WFDC8: variants seen among roughly 807,000 people sequenced by gnomAD.
The protein encoded by WFDC8 is WAP four-disulfide core domain 8.
WFDC8 carries 24 observed loss-of-function variants against 27.0 expected under a neutral mutation model. The ratio of observed to expected loss-of-function variants is 0.89; its 90% CI spans 0.64 to 1.25. WFDC8 has a LOEUF of 1.25. Among genes scored for constraint, WFDC8 ranks in the 50% most tolerant of loss-of-function variants. WFDC8 has a pLI of 0.00. For missense variants in WFDC8, 287 were observed against 295.9 expected, an observed-to-expected ratio of 0.97 and a Z score of 0.22; for synonymous variants, 106 against 99.7, an observed-to-expected ratio of 1.06 and a Z score of -0.38.
At chr20:45,577,867 A>C (rs79909607) in intron 1 of WFDC8, among the ~76,000 whole-genome samples, 59,676 of 148,344 alleles carry the variant, frequency 0.4, 13,558 homozygotes, top group Non-Finnish European at 0.45. Flanking sequence ...ATTAGCCTGG[A>C]GTGGTGGTGC....
chr20:45,575,152 T>C (rs1315001167), intron 1 of WFDC8, among the ~76,000 whole-genome samples: 1 of 152,152 alleles, frequency 6.6e-6, no homozygotes, highest in Non-Finnish European at 1.5e-5. Flanking sequence ...ATCGACATAG[T>C]ACTGAAAGTC....
At chr20:45,566,653 A>C (rs1406093511) in intron 1 of WFDC8, among the ~76,000 whole-genome samples, 1 of 152,162 alleles carries the variant, frequency 6.6e-6, no homozygotes. Flanking sequence ...ACAGAGCGAG[A>C]CTCTGTCTCA....
At position 45,558,775 on chromosome 20, in the gene WFDC8, A is replaced by G. The variant is rs370779239; in HGVS notation, c.277+77T>C. 8 of 1,571,808 alleles carry G rather than the reference A, an allele frequency of 5.1e-6. No individual in the cohort carries two copies. In the East Asian group the frequency reaches 1.3e-4, roughly 26 times the overall value. Reference sequence around the variant, plus strand: ...ACAGGCCCTGGGTCCTTGTCCTGCCATCCAAGGGAATCCCTCAGCCAGTTT... The same window carrying G: ...ACAGGCCCTGGGTCCTTGTCCTGCCGTCCAAGGGAATCCCTCAGCCAGTTT... On this transcript the variant is annotated intron_variant, in intron 3 of 5. Transcript: ENST00000289953.
chr20:45,558,864 C>G lies in WFDC8; in HGVS notation c.265G>C (p.Asp89His), dbSNP rs949241106. The G allele has an allele frequency of 1.2e-6, 2 of 1,614,140 alleles. No individual in the cohort carries two copies. The highest frequency in any genetic ancestry group is 2.7e-5 in the African/African-American group (2 of 75,036). Residue 89 changes from aspartate (D) to histidine (H), a missense_variant, in exon 3 of 6, where the codon GAT (aspartate) becomes CAT (histidine). Coordinates refer to ENST00000289953, the MANE Select transcript of WFDC8 (RefSeq NM_130896.3). ...TGGACATCGCTACCTTGAAAGGGAT[C>G]CATGCACTTCTTCTGACAGGCAAAA... ...CFFACQKKCM[D>H]PFQEPCMLPV...
At chr20:45,561,746 G>A (rs779558156) in intron 2 of WFDC8, among the ~76,000 whole-genome samples, 2,410 of 61,752 alleles carry the variant, frequency 0.039, 90 homozygotes, top group Admixed American at 0.17. Context: ...TTGCGTGTGT[G>A]TGTGTGTGTG....
chr20:45,562,188 A>G lies in WFDC8; in HGVS notation c.58T>C (p.Trp20Arg). Residue 20 changes from tryptophan to arginine, a missense_variant, in exon 2 of 6, where the codon TGG (tryptophan) becomes CGG (arginine). Physicochemically the swap from Trp to Arg is moderately radical, Grantham distance 101. Coordinates refer to ENST00000289953, the MANE Select transcript of WFDC8 (RefSeq NM_130896.3). ...AGCAGCAGGAAAGCTACATTCCTCC[A>G]GGAGAAGGTGGGGCTATGGAGAGGA... is the stretch of plus-strand genomic sequence containing the variant. ...HFPLHSPTFS[W>R]RNVAFLLLLS... 6.2e-7 allele frequency: 1 copy of G among 1,614,184 alleles called. No individual in the cohort carries two copies. The highest frequency in any genetic ancestry group is 8.5e-7 in the Non-Finnish European group (1 of 1,180,024).
At chr20:45,562,735 C>T (rs1376401946) in intron 1 of WFDC8, among the ~76,000 whole-genome samples, 1 of 152,160 alleles carries the variant, frequency 6.6e-6, no homozygotes, top group Non-Finnish European at 1.5e-5. Context: ...CCTTTTATTC[C>T]TTCTGTGACT....
At chr20:45,554,170 G>GTGTTTT (rs577405736) in intron 4 of WFDC8, among the ~76,000 whole-genome samples, 2 of 151,490 alleles carry the variant, frequency 1.3e-5, no homozygotes, top group African/African-American at 4.9e-5. Context: ...TTTTGTTGTT[G>GTGTTTT]TGTTTTTGTT....
intron 3 of WFDC8, 85 bp downstream of exon 3, chr20:45,558,767 G>C: frequency 6.4e-7 from 1 of 1,553,876 alleles, no homozygotes; most frequent in Non-Finnish European, 8.7e-7. Flanking sequence ...CTGGGTCCTT[G>C]TCCTGCCATC....
chr20:45,561,264 G>A lies in WFDC8; in HGVS notation c.136+846C>T, dbSNP rs138439114. Among the ~76,000 whole-genome samples, 146 of 152,036 alleles carry A rather than the reference G, an allele frequency of 9.6e-4. 3 individuals are homozygous for A. The South Asian group carries it at 0.015, about 15-fold the overall frequency. ...ACATACTTCCTGGGTAATCCCACTC[G>A]TTCCCACGATCCCAACTATGATTCC... On this transcript the variant is annotated intron_variant, in intron 2 of 5. Coordinates refer to ENST00000289953, the MANE Select transcript of WFDC8 (RefSeq NM_130896.3).
chr20:45,572,432 C>G (rs906429394), intron 1 of WFDC8, among the ~76,000 whole-genome samples: 116 of 150,744 alleles, frequency 7.7e-4, no homozygotes, highest in Middle Eastern at 3.4e-3. Context: ...TCCCTTTTCT[C>G]CACATCCTCA....
chr20:45,578,556 A>G (rs771117024), intron 1 of WFDC8, among the ~76,000 whole-genome samples: 2 of 151,430 alleles, frequency 1.3e-5, no homozygotes, highest in Non-Finnish European at 3.0e-5. Flanking sequence ...CTCACTATGC[A>G]TATGCTACAT....
At position 45,570,098 on chromosome 20, in the gene WFDC8, C is replaced by T. The variant is rs1024086709; in HGVS notation, c.27-7879G>A. Among the ~76,000 whole-genome samples the T allele has an allele frequency of 4.3e-4, 66 of 152,178 alleles. 1 individual carries two copies. Among genetic ancestry groups the T allele is most frequent in the Admixed American group, 3.8e-3 (58 of 15,288 alleles). ...TAACTAATGAGTACTAGGCTTAATA[C>T]ATGGGTGTCAAAACAATCTGTACAA... On this transcript the variant is annotated intron_variant, in intron 1 of 5. Coordinates refer to ENST00000289953, the MANE Select transcript of WFDC8 (RefSeq NM_130896.3).
chr20:45,555,520 T>C (rs1054401076), intron 4 of WFDC8, among the ~76,000 whole-genome samples, 181 bp downstream of exon 4: 2 of 152,226 alleles, frequency 1.3e-5, no homozygotes, highest in Non-Finnish European at 2.9e-5. Context: ...AACCTCATTC[T>C]ATAGACAAGG....
At chr20:45,570,962 G>A (rs955223339) in intron 1 of WFDC8, among the ~76,000 whole-genome samples, 1 of 152,062 alleles carries the variant, frequency 6.6e-6, no homozygotes, top group Non-Finnish European at 1.5e-5. Flanking sequence ...AAATGTTGGT[G>A]GGAAGATTTT....
At chr20:45,579,155 C>T in intron 1 of WFDC8, 67 bp downstream of exon 1, 1 of 1,516,970 alleles carries the variant, frequency 6.6e-7, no homozygotes, top group South Asian at 1.1e-5. Context: ...TTCTATGTAT[C>T]CTCCTCATCT....
rs369813406 is a variant in WFDC8 at position 45,562,063 on chromosome 20, C to T, written c.136+47G>A. ...TGGCCTCATGTCTAACCCTCATCCC[C>T]AATAATGCTTTCTAAGGAAGAATGG... On this transcript the variant is annotated intron_variant, in intron 2 of 5. Transcript: ENST00000289953. 8 of 1,562,614 alleles carry T rather than the reference C, an allele frequency of 5.1e-6. No homozygotes were observed. In the African/African-American group the frequency reaches 1.1e-4, roughly 21 times the overall value.
intron 1 of WFDC8, 89 bp from the exon 2 acceptor site, chr20:45,562,308 A>T (rs1189141632): frequency 2.9e-6 from 3 of 1,048,116 alleles, no homozygotes; most frequent in Non-Finnish European, 4.4e-6. Context: ...ATGATCCACC[A>T]GGTCCCTTTA....
At chr20:45,578,821 C>T (rs1981133476) in intron 1 of WFDC8, among the ~76,000 whole-genome samples, 1 of 152,190 alleles carries the variant, frequency 6.6e-6, no homozygotes, top group Admixed American at 6.5e-5. Context: ...TTACCTTGCT[C>T]AGGCTCTGCC....
Sources: gnomAD v4.1 joint callset for allele counts (sites outside exome capture counted in the v4.1 genomes callset) on GRCh38, gnomAD v4.1.1 for gene constraint, MANE v1.5 for transcripts, NCBI Gene and HGNC (gene_info 2026-07-23, HGNC 2026-07-21) for gene names.